Variants in LATS2 observed in about 807,000 individuals in gnomAD.
LATS2 encodes large tumor suppressor kinase 2, also known as serine/threonine-protein kinase LATS2.
A neutral mutation model predicts 76.0 loss-of-function variants in LATS2; 24 were observed. The ratio of observed to expected loss-of-function variants is 0.32; its 90% CI spans 0.23 to 0.44. LATS2 has a LOEUF of 0.44. LATS2 is among the 20% of genes least tolerant of loss of function. LATS2 has a pLI of 1.00. For missense variants in LATS2, 1,286 were observed against 1,481.2 expected, an observed-to-expected ratio of 0.87 and a Z score of 2.16; for synonymous variants, 692 against 635.4, an observed-to-expected ratio of 1.09 and a Z score of -1.34.
chr13:21,016,092 C>T (rs930270965), intron 2 of LATS2, among the ~76,000 whole-genome samples: 35 of 151,662 alleles, frequency 2.3e-4, no homozygotes, highest in African/African-American at 7.5e-4. Context: ...TGGGTTCAAG[C>T]GATTCTCTCA....
At chr13:21,058,666 C>T (rs181687639) in intron 1 of LATS2, among the ~76,000 whole-genome samples, 77 of 152,338 alleles carry the variant, frequency 5.1e-4, no homozygotes, top group African/African-American at 1.7e-3. Flanking sequence ...TAGTAATTCA[C>T]CTTGGTAATT....
Position 20,989,286 on chromosome 13 carries a change from G to C in LATS2, c.494C>G (p.Thr165Ser). 1 of 1,613,922 alleles carries C rather than the reference G, an allele frequency of 6.2e-7. No individual in the cohort carries two copies. Among genetic ancestry groups the C allele is most frequent in the South Asian group, 1.1e-5 (1 of 91,088 alleles). Residue 165 changes from threonine (T) to serine (S), a missense_variant, in exon 4 of 8, where the codon ACC becomes AGC. Transcript: ENST00000382592. The part of the protein sequence containing the change: ...QTSPGKGLMP[T>S]PVTRRPSFEG... ...GAAGCTGGGCCTCCGCGTCACTGGG[G>C]TTGGCATGAGCCCCTTTCCTGCAGT...
intron 2 of LATS2, among the ~76,000 whole-genome samples, chr13:21,028,200 ATAGTT>A (rs1345650921): frequency 6.6e-6 from 1 of 151,864 alleles, no homozygotes; most frequent in African/African-American, 2.4e-5. Context: ...TGTCCTTGCG[ATAGTT>A]TCCTGAGAAT....
At chr13:21,015,397 T>A (rs1871759095) in intron 2 of LATS2, among the ~76,000 whole-genome samples, 1 of 152,150 alleles carries the variant, frequency 6.6e-6, no homozygotes. Flanking sequence ...TACTCCCTTG[T>A]GGCACAATTT....
intron 2 of LATS2, among the ~76,000 whole-genome samples, chr13:21,042,761 GGCGGATC>G (rs1193206850): frequency 1.4e-5 from 2 of 146,476 alleles, no homozygotes; most frequent in Non-Finnish European, 3.0e-5. Context: ...GGCCTAAGAG[GGCGGATC>G]ACAAGGTCAG....
chr13:20,989,961 A>C (rs1036972711), intron 3 of LATS2, among the ~76,000 whole-genome samples: 5 of 152,210 alleles, frequency 3.3e-5, no homozygotes, highest in African/African-American at 1.2e-4. Context: ...TGAAACAGAC[A>C]CCGGAAGGAA....
intron 1 of LATS2, among the ~76,000 whole-genome samples, chr13:21,048,067 T>C (rs1367359154): frequency 2.0e-5 from 3 of 152,240 alleles, no homozygotes; most frequent in Non-Finnish European, 4.4e-5. Flanking sequence ...CCCTGGGGCC[T>C]GTACTGGCCA....
chr13:20,974,118 G>GA lies in LATS2; in HGVS notation c.*751dup. ...CAATACATTATCAGCACACTGTCTAGAACACCTCATTTAAAGACACTCAGT... is the reference window on the plus strand; with the variant it reads ...CAATACATTATCAGCACACTGTCTAGAAACACCTCATTTAAAGACACTCAGT... On this transcript the variant is annotated 3_prime_UTR_variant, in exon 8 of 8. Transcript: ENST00000382592. 1 of 228,468 alleles carries GA rather than the reference G, an allele frequency of 4.4e-6. No homozygotes were observed. The highest frequency in any genetic ancestry group is 8.7e-6 in the Non-Finnish European group (1 of 115,048). The allele number at this position is 228,468 out of a possible 1,614,324, so 14.2% of individuals were successfully genotyped here.
At chr13:21,024,981 C>T (rs374720953) in intron 2 of LATS2, among the ~76,000 whole-genome samples, 5 of 152,254 alleles carry the variant, frequency 3.3e-5, no homozygotes, top group African/African-American at 9.6e-5. Flanking sequence ...CAGGCTTCCC[C>T]CATAACTTTT....
At chr13:21,043,923 A>G (rs899026475) in intron 2 of LATS2, among the ~76,000 whole-genome samples, 1 of 152,190 alleles carries the variant, frequency 6.6e-6, no homozygotes, top group Admixed American at 6.5e-5. Flanking sequence ...TTGGCCTGAA[A>G]GTTTCTCTGC....
At chr13:21,051,220 G>A (rs930421226) in intron 1 of LATS2, among the ~76,000 whole-genome samples, 1 of 152,198 alleles carries the variant, frequency 6.6e-6, no homozygotes, top group Non-Finnish European at 1.5e-5. Flanking sequence ...TAGGGCCCTT[G>A]AGCAGTGCAC....
intron 1 of LATS2, among the ~76,000 whole-genome samples, chr13:21,046,674 C>A (rs924712473): frequency 1.3e-5 from 2 of 152,180 alleles, no homozygotes; most frequent in African/African-American, 2.4e-5. Context: ...TCTCCCCCCT[C>A]ACATGAGATG....
intron 4 of LATS2, 54 bp from the exon 5 acceptor site, chr13:20,983,860 A>C: frequency 7.2e-7 from 1 of 1,393,716 alleles, no homozygotes; most frequent in Non-Finnish European, 9.9e-7. Flanking sequence ...GTCCCATGAT[A>C]ACAAATGACT....
chr13:21,041,068 G>A (rs1420650220), intron 2 of LATS2, among the ~76,000 whole-genome samples: 6 of 151,906 alleles, frequency 3.9e-5, no homozygotes, highest in African/African-American at 1.5e-4. Context: ...CGCCTCCTGG[G>A]TTCACACCAT....
chr13:21,048,336 T>C (rs1265484242), intron 1 of LATS2, among the ~76,000 whole-genome samples: 1 of 152,220 alleles, frequency 6.6e-6, no homozygotes, highest in Non-Finnish European at 1.5e-5. Context: ...ACAAATCACT[T>C]TGTTTCCAAT....
chr13:21,013,891 A>C (rs184411149), intron 2 of LATS2, among the ~76,000 whole-genome samples: 34 of 152,206 alleles, frequency 2.2e-4, no homozygotes, highest in Non-Finnish European at 4.6e-4. Context: ...GGATCGCTTG[A>C]GCCCAGGAGA....
chr13:20,981,432 C>T, intron 6 of LATS2, 34 bp downstream of exon 6: 1 of 1,589,852 alleles, frequency 6.3e-7, no homozygotes, highest in Non-Finnish European at 8.6e-7. Context: ...GGGAAGGAGA[C>T]CTCCTGCGGG....
chr13:21,023,453 C>T (rs1872153378), intron 2 of LATS2, among the ~76,000 whole-genome samples: 1 of 151,492 alleles, frequency 6.6e-6, no homozygotes, highest in Non-Finnish European at 1.5e-5. Context: ...TAGAATAGAA[C>T]CCAACTGCAA....
intron 2 of LATS2, among the ~76,000 whole-genome samples, chr13:21,021,931 A>T (rs1872080933): frequency 6.6e-6 from 1 of 152,138 alleles, no homozygotes; most frequent in Admixed American, 6.5e-5. Flanking sequence ...ACAGAGAAAA[A>T]CCAAAAATCT....
Sources: gnomAD v4.1 joint callset for allele counts (sites outside exome capture counted in the v4.1 genomes callset) on GRCh38, gnomAD v4.1.1 for gene constraint, MANE v1.5 for transcripts, NCBI Gene and HGNC (gene_info 2026-07-23, HGNC 2026-07-21) for gene names.